The following PTGER4 variants were observed in gnomAD, a reference collection of about 807,000 sequenced individuals.
The protein encoded by PTGER4 is prostaglandin E2 receptor EP4 subtype.
PTGER4 carries 11 observed loss-of-function variants against 33.2 expected under a neutral mutation model. That is an observed-to-expected ratio of 0.33 (90% confidence interval 0.21 to 0.55). PTGER4 has a LOEUF of 0.55. Among genes scored for constraint, PTGER4 ranks in the 20% least tolerant of loss-of-function variants. The pLI is 0.92. For missense variants in PTGER4, 481 were observed against 650.2 expected (o/e 0.74, Z 2.83); for synonymous variants, 275 against 281.5 (o/e 0.98, Z 0.23).
the PTGER4 span, among the ~76,000 whole-genome samples, chr5:40,711,434 G>A: frequency 5.4e-4 from 82 of 152,102 alleles, no homozygotes; most frequent in Admixed American, 1.2e-3. Context: ...TACATTGCTA[G>A]CAGAAATCCC....
rs185126717 is a variant in PTGER4 at position 40,692,190 on chromosome 5, G to C, written c.1279G>C (p.Asp427His). 3.7e-6 allele frequency: 6 copies of C among 1,614,232 alleles called. No individual in the cohort carries two copies. The Admixed American group carries it at 8.3e-5, about 22-fold the overall frequency. Reference protein sequence around the residue: ...GVPGMGLAQEDTTSLRTLRIS... With the variant: ...GVPGMGLAQEHTTSLRTLRIS... ...GCCTGGCATGGGCCTGGCCCAGGAA[G>C]ACACCACCTCACTGAGGACTTTGCG... The change falls in exon 3 of 3, where the codon GAC (aspartate) becomes CAC (histidine). Residue 427 changes from aspartate (D) to histidine (H), a missense_variant. Around this residue, in one of 7 missense-constraint regions of PTGER4, gnomAD observed 172 missense variants for 199.2 expected, o/e 0.86. Transcript: ENST00000302472.
At chr5:40,704,412 C>T in the PTGER4 span, among the ~76,000 whole-genome samples, 4 of 152,086 alleles carry the variant, frequency 2.6e-5, no homozygotes, top group Non-Finnish European at 4.4e-5. Flanking sequence ...GCATTCCCCT[C>T]GAAAACTGGC....
the PTGER4 span, among the ~76,000 whole-genome samples, chr5:40,706,126 T>A: frequency 6.6e-6 from 1 of 152,136 alleles, no homozygotes; most frequent in African/African-American, 2.4e-5. Flanking sequence ...TACATATACA[T>A]CATGGAGTAT....
chr5:40,698,007 C>G (rs1175204037), downstream of PTGER4, among the ~76,000 whole-genome samples: 1 of 137,594 alleles, frequency 7.3e-6, no homozygotes, highest in African/African-American at 2.7e-5. Context: ...TGAACTAACT[C>G]AGAAACAGAA....
chr5:40,705,612 C>T, the PTGER4 span, among the ~76,000 whole-genome samples: 12 of 152,108 alleles, frequency 7.9e-5, no homozygotes, highest in African/African-American at 2.9e-4. Flanking sequence ...CTATAAGGAA[C>T]TTAAACAAAT....
In PTGER4 at chr5:40,681,724, C is replaced by A; in HGVS notation, c.731C>A (p.Ala244Asp). ...ASVASRGHPA[A>D]SPALPRLSDF... ...GTTGCCTCCCGGGGCCACCCCGCTG[C>A]CTCCCCAGCCTTGCCGCGCCTCAGC... The change falls in exon 2 of 3, where the codon GCC becomes GAC. Residue 244 changes from alanine to aspartate, a missense_variant. Ala to Asp is a moderately radical substitution (Grantham distance 126). Transcript: ENST00000302472. This position sits in a 1 kb window ranked among gnomAD's most constrained non-coding sequence, Gnocchi z 9.8. 2 of 1,593,608 alleles carry A rather than the reference C, an allele frequency of 1.3e-6. No homozygotes were observed. The highest frequency in any genetic ancestry group is 1.7e-6 in the Non-Finnish European group (2 of 1,174,750).
chr5:40,689,068 C>G (rs1741401009), intron 2 of PTGER4, among the ~76,000 whole-genome samples: 2 of 151,998 alleles, frequency 1.3e-5, no homozygotes, highest in Admixed American at 1.3e-4. Flanking sequence ...ATGTAATATC[C>G]CCATCAGAAC....
At chr5:40,682,690 A>G (rs1259258290) in intron 2 of PTGER4, among the ~76,000 whole-genome samples, 1 of 152,252 alleles carries the variant, frequency 6.6e-6, no homozygotes, top group Non-Finnish European at 1.5e-5. Flanking sequence ...TGCGAGGTAC[A>G]GTACCATTTT....
chr5:40,717,181 A>T, the PTGER4 span, among the ~76,000 whole-genome samples: 1 of 148,276 alleles, frequency 6.7e-6, no homozygotes, highest in East Asian at 2.0e-4. Flanking sequence ...GTGAGTTGAG[A>T]TCACGCCATT....
chr5:40,730,216 CAT>C, the PTGER4 span: 49 of 1,473,496 alleles, frequency 3.3e-5, no homozygotes, highest in Middle Eastern at 1.8e-4. Context: ...ACCGAACAAA[CAT>C]AGCACAATTT....
At chr5:40,707,427 A>G in the PTGER4 span, among the ~76,000 whole-genome samples, 2 of 152,198 alleles carry the variant, frequency 1.3e-5, no homozygotes, top group South Asian at 4.1e-4. Flanking sequence ...ATCAAAAGAG[A>G]CAAAGAAGGC....
At chr5:40,746,488 T>C in the PTGER4 span, among the ~76,000 whole-genome samples, 1 of 152,226 alleles carries the variant, frequency 6.6e-6, no homozygotes, top group Non-Finnish European at 1.5e-5. Flanking sequence ...CACCTTTTAC[T>C]GACCAATCAC....
downstream of PTGER4, among the ~76,000 whole-genome samples, chr5:40,696,259 T>C: frequency 6.6e-6 from 1 of 152,206 alleles, no homozygotes; most frequent in East Asian, 1.9e-4. Context: ...CAAATGTTAA[T>C]GCAGAAAAAT....
chr5:40,744,093 G>A, the PTGER4 span, among the ~76,000 whole-genome samples: 1 of 152,172 alleles, frequency 6.6e-6, no homozygotes, highest in African/African-American at 2.4e-5. Flanking sequence ...GGCATTTACA[G>A]GAGTTCCTAA....
chr5:40,741,174 T>C, the PTGER4 span, among the ~76,000 whole-genome samples: 1 of 152,232 alleles, frequency 6.6e-6, no homozygotes, highest in Non-Finnish European at 1.5e-5. Context: ...TGACTAAAAA[T>C]GTTAGGCTCT....
the PTGER4 span, among the ~76,000 whole-genome samples, chr5:40,704,635 G>C: frequency 1.3e-5 from 2 of 152,110 alleles, no homozygotes; most frequent in African/African-American, 4.8e-5. Context: ...AAAGTTGCAG[G>C]ATACAAAATC....
the PTGER4 span, chr5:40,714,822 G>C: frequency 1.3e-5 from 2 of 152,160 alleles, no homozygotes; most frequent in Non-Finnish European, 2.9e-5. Flanking sequence ...TCCAACAGTA[G>C]TAAGATCTTT....
At chr5:40,717,229 CAAA>C in the PTGER4 span, among the ~76,000 whole-genome samples, 2 of 108,890 alleles carry the variant, frequency 1.8e-5, no homozygotes, top group Non-Finnish European at 3.6e-5. Context: ...AACTCCATCT[CAAA>C]AAAAAAAAAA....
chr5:40,740,965 TTA>T, the PTGER4 span, among the ~76,000 whole-genome samples: 1 of 152,194 alleles, frequency 6.6e-6, no homozygotes, highest in Non-Finnish European at 1.5e-5. Flanking sequence ...TCACTCCTCA[TTA>T]TGTTTGTTTC....
Sources: gnomAD v4.1 joint callset for allele counts (sites outside exome capture counted in the v4.1 genomes callset) on GRCh38, gnomAD v4.1.1 for gene constraint, gnomAD v4.1.1 regional missense constraint, Gnocchi (gnomAD v3.1) non-coding constraint, MANE v1.5 for transcripts, NCBI Gene and HGNC (gene_info 2026-07-23, HGNC 2026-07-21) for gene names.